NTM: variants seen among roughly 807,000 people sequenced by gnomAD.
NTM encodes neurotrimin, also known as IgLON family member 2.
In NTM, 13 loss-of-function variants were observed where a neutral mutation model predicts 42.1. That is an observed-to-expected ratio of 0.31 (90% CI 0.20 to 0.49). The LOEUF is 0.49. NTM is among the 20% of genes least tolerant of loss of function. The pLI is 0.99. For synonymous variants in NTM, 187 were observed against 179.2 expected, an observed-to-expected ratio of 1.04 and a Z score of -0.35; for missense variants, 373 against 452.8, an observed-to-expected ratio of 0.82 and a Z score of 1.60.
At chr11:131,639,027 T>C (rs2064798413) in intron 1 of NTM, among the ~76,000 whole-genome samples, 2 of 152,348 alleles carry the variant, frequency 1.3e-5, no homozygotes, top group South Asian at 4.1e-4. Flanking sequence ...ATTTGATATA[T>C]GAGAATACTG....
chr11:131,689,049 G>A (rs906598937), intron 1 of NTM, among the ~76,000 whole-genome samples: 1 of 150,774 alleles, frequency 6.6e-6, no homozygotes, highest in Admixed American at 6.6e-5. Flanking sequence ...CAGTGAAAAC[G>A]AGAGCTACCA....
chr11:131,676,095 T>G (rs925545765), intron 1 of NTM, among the ~76,000 whole-genome samples: 1 of 152,180 alleles, frequency 6.6e-6, no homozygotes, highest in Non-Finnish European at 1.5e-5. Flanking sequence ...ATGAGAGACT[T>G]GAACCTGAAC....
At chr11:131,778,249 A>G (rs2087417995) in intron 1 of NTM, among the ~76,000 whole-genome samples, 1 of 152,208 alleles carries the variant, frequency 6.6e-6, no homozygotes, top group Admixed American at 6.5e-5. Context: ...TGGTTTTCCA[A>G]AAGGTTAAAC....
Position 131,410,517 on chromosome 11 carries a change from CAAAAAAAAAAA to C in NTM, c.82+39645_82+39655del, listed in dbSNP as rs1161389222. ...CAGAAACAAACAAACAAACAATAACCAAAAAAAAAAAAAAAAAAAAAAAAAACAGAGAAGGA... is the reference window on the plus strand; with the variant it reads ...CAGAAACAAACAAACAAACAATAACCAAAAAAAAAAAAAAACAGAGAAGGA... On this transcript the variant is annotated intron_variant, in intron 1 of 8. Coordinates refer to ENST00000683400, the MANE Select transcript of NTM (RefSeq NM_001352005.2). Among the ~76,000 whole-genome samples, 11 of 32,768 alleles carry C rather than the reference CAAAAAAAAAAA, an allele frequency of 3.4e-4. 1 individual carries two copies. Among genetic ancestry groups the C allele is most frequent in the Middle Eastern group, 0.045 (2 of 44 alleles). The allele number at this position is 32,768 out of a possible 152,430, so 21.5% of individuals were successfully genotyped here.
intron 1 of NTM, among the ~76,000 whole-genome samples, chr11:131,442,875 A>T (rs960213565): frequency 1.3e-5 from 2 of 152,018 alleles, no homozygotes; most frequent in African/African-American, 4.8e-5. Context: ...TTATGCAATC[A>T]ATCATTGGTG....
At chr11:131,425,842 C>T (rs748268452) in intron 1 of NTM, among the ~76,000 whole-genome samples, 14 of 151,784 alleles carry the variant, frequency 9.2e-5, no homozygotes, top group Non-Finnish European at 1.8e-4. Flanking sequence ...ATGGGTCTTT[C>T]GGTAAGTTCT....
intron 1 of NTM, among the ~76,000 whole-genome samples, chr11:131,720,574 G>C (rs1463050052): frequency 6.6e-6 from 1 of 152,208 alleles, no homozygotes; most frequent in Non-Finnish European, 1.5e-5. Context: ...CTGCAGCCTA[G>C]TAATGGTGGC....
At chr11:131,749,500 T>C (rs1004011419) in intron 1 of NTM, among the ~76,000 whole-genome samples, 1 of 152,212 alleles carries the variant, frequency 6.6e-6, no homozygotes, top group Non-Finnish European at 1.5e-5. Context: ...ATTGAAGGAA[T>C]TTGACTTGTT....
chr11:131,889,655 G>A (rs1401529238), intron 1 of NTM, among the ~76,000 whole-genome samples: 1 of 152,156 alleles, frequency 6.6e-6, no homozygotes, highest in Admixed American at 6.5e-5. Context: ...GTAAGGAGTA[G>A]GGACTTTGTC....
At chr11:131,625,493 A>G (rs142176184) in intron 1 of NTM, among the ~76,000 whole-genome samples, 2 of 152,286 alleles carry the variant, frequency 1.3e-5, no homozygotes, top group African/African-American at 4.8e-5. Context: ...AGAGACAAAG[A>G]CAGAGAGACA....
chr11:131,638,343 G>C (rs2064679803), intron 1 of NTM, among the ~76,000 whole-genome samples: 1 of 152,094 alleles, frequency 6.6e-6, no homozygotes, highest in South Asian at 2.1e-4. Flanking sequence ...GAGACGGGCA[G>C]ATCACCTGAG....
At chr11:131,851,532 C>CGCGTGTGTGTGTGT (rs147213224) in intron 1 of NTM, among the ~76,000 whole-genome samples, 9 of 146,702 alleles carry the variant, frequency 6.1e-5, no homozygotes, top group African/African-American at 2.0e-4. Flanking sequence ...GTGAGAATGG[C>CGCGTGTGTGTGTGT]GTGTGTGTGT....
At chr11:132,069,422 G>C (rs1442268476) in intron 2 of NTM, among the ~76,000 whole-genome samples, 217 of 120,250 alleles carry the variant, frequency 1.8e-3, no homozygotes, top group African/African-American at 7.2e-3. Flanking sequence ...GACTGTCACC[G>C]GTTAGTTAAC....
At chr11:131,546,350 G>T (rs2053943185) in intron 1 of NTM, among the ~76,000 whole-genome samples, 1 of 152,144 alleles carries the variant, frequency 6.6e-6, no homozygotes, top group South Asian at 2.1e-4. Context: ...TACAAACAAG[G>T]TTCCCACGGC....
At chr11:132,063,305 C>T (rs2080966753) in intron 2 of NTM, among the ~76,000 whole-genome samples, 1 of 152,162 alleles carries the variant, frequency 6.6e-6, no homozygotes. Flanking sequence ...AACATTTAGC[C>T]TATGGCAGTA....
rs563693317 is a variant in NTM, at chr11:132,041,631, T to C, written c.168-104651T>C. Among the ~76,000 whole-genome samples, 31 of 152,334 alleles carry C rather than the reference T, an allele frequency of 2.0e-4. No individual in the cohort carries two copies. In the South Asian group the frequency reaches 6.4e-3, roughly 32 times the overall value. ...TTAGCAAATCCAATATTTAGGAGTCTTTCTTCTCTCTCCACGGTAAATGGG... is the reference window on the plus strand; with the variant it reads ...TTAGCAAATCCAATATTTAGGAGTCCTTCTTCTCTCTCCACGGTAAATGGG... On this transcript the variant is annotated intron_variant, in intron 2 of 8. Coordinates refer to ENST00000683400, the MANE Select transcript of NTM (RefSeq NM_001352005.2).
At chr11:132,315,997 C>G (rs1278257094) in intron 7 of NTM, among the ~76,000 whole-genome samples, 1 of 151,830 alleles carries the variant, frequency 6.6e-6, no homozygotes, top group Non-Finnish European at 1.5e-5. Flanking sequence ...TAGGAAGGAA[C>G]AGACCCCTCC....
At chr11:131,742,751 A>G (rs1035769434) in intron 1 of NTM, among the ~76,000 whole-genome samples, 8 of 152,240 alleles carry the variant, frequency 5.3e-5, no homozygotes, top group South Asian at 2.1e-4. Flanking sequence ...ATCAAATGCT[A>G]TGGGAGAAAC....
chr11:132,138,361 G>T (rs1382097392), intron 2 of NTM, among the ~76,000 whole-genome samples: 1 of 152,140 alleles, frequency 6.6e-6, no homozygotes, highest in African/African-American at 2.4e-5. Flanking sequence ...TAATATTTAA[G>T]CTTGACCTTG....
Sources: gnomAD v4.1 joint callset for allele counts (sites outside exome capture counted in the v4.1 genomes callset) on GRCh38, gnomAD v4.1.1 for gene constraint, MANE v1.5 for transcripts, NCBI Gene and HGNC (gene_info 2026-07-23, HGNC 2026-07-21) for gene names.